Variants in TMEM255B observed in about 807,000 individuals in gnomAD.
The protein encoded by TMEM255B is family with sequence similarity 70, member B.
A neutral mutation model predicts 34.5 loss-of-function variants in TMEM255B; 35 were observed. The observed-to-expected ratio is 1.01, with a 90% CI of 0.77 to 1.34. TMEM255B has a LOEUF of 1.34. Ranked by LOEUF, TMEM255B falls within the 40% of genes most tolerant of loss-of-function variation. TMEM255B has a pLI of 0.00. For missense variants in TMEM255B, 432 were observed against 433.2 expected (o/e 1.00, Z 0.02); for synonymous variants, 206 against 201.2 (o/e 1.02, Z -0.20).
chr13:113,771,448 AAGGTG>A (rs2138528225), intron 3 of TMEM255B, among the ~76,000 whole-genome samples: 1 of 152,292 alleles, frequency 6.6e-6, no homozygotes, highest in South Asian at 2.1e-4. Context: ...TTGGGAGGCC[AAGGTG>A]GGCGGATCAC....
At chr13:113,811,252 T>G (rs930246764) in intron 8 of TMEM255B, among the ~76,000 whole-genome samples, 154 of 28,838 alleles carry the variant, frequency 5.3e-3, no homozygotes, top group African/African-American at 6.1e-3. Flanking sequence ...GTCTGTGGGG[T>G]GGGGGCCCGT....
chr13:113,775,841 TG>T (rs1450808348), intron 3 of TMEM255B, among the ~76,000 whole-genome samples: 1 of 152,128 alleles, frequency 6.6e-6, no homozygotes, highest in Non-Finnish European at 1.5e-5. Context: ...TGTCAGGCAC[TG>T]GGGGGTGTTT....
intron 3 of TMEM255B, among the ~76,000 whole-genome samples, chr13:113,791,828 G>T (rs1295804982): frequency 1.3e-5 from 2 of 152,248 alleles, no homozygotes; most frequent in African/African-American, 4.8e-5. Flanking sequence ...AGGAGCGTGT[G>T]CAGTGGTGAC....
At chr13:113,785,476 C>A (rs1181672435) in intron 3 of TMEM255B, among the ~76,000 whole-genome samples, 1 of 152,244 alleles carries the variant, frequency 6.6e-6, no homozygotes, top group Non-Finnish European at 1.5e-5. Context: ...CTCGTCCTAC[C>A]TCTCTTGCTG....
intron 7 of TMEM255B, among the ~76,000 whole-genome samples, chr13:113,804,151 G>T (rs567462594): frequency 6.6e-6 from 1 of 152,326 alleles, no homozygotes; most frequent in South Asian, 2.1e-4. Flanking sequence ...CCTGAAGCTT[G>T]TGTGAGCCAT....
intron 3 of TMEM255B, among the ~76,000 whole-genome samples, chr13:113,794,666 TTAAC>T (rs889812739): frequency 1.1e-4 from 16 of 152,196 alleles, no homozygotes; most frequent in Admixed American, 2.6e-4. Context: ...TGCCAACTGT[TTAAC>T]TATCCATCAG....
intron 5 of TMEM255B, chr13:113,799,830 C>T (rs775379735): frequency 2.4e-5 from 15 of 636,122 alleles, no homozygotes; most frequent in Admixed American, 6.5e-5. Flanking sequence ...GAGTGAGATG[C>T]GGGGAGTAAT....
rs1264474133 is a variant in TMEM255B, at chr13:113,801,761, C to T, written c.618C>T (p.Gly206=). 14 of 1,612,560 alleles carry T rather than the reference C, an allele frequency of 8.7e-6. No homozygotes were observed. The East Asian group carries it at 1.1e-4, about 13-fold the overall frequency. Reference sequence around the variant, plus strand: ...CCTCTGCAGTTCTGAACGTCCTGGGCCTGTTCCTGGGCATCATCACCGCCG... The same window carrying T: ...CCTCTGCAGTTCTGAACGTCCTGGGTCTGTTCCTGGGCATCATCACCGCCG... ...LWASAVLNVL[G]LFLGIITAAV... is the part of the protein sequence containing the mutation. Residue 206 remains glycine (G), a synonymous_variant, in exon 7 of 9, where the codon GGC becomes GGT. Transcript: ENST00000375353.
At chr13:113,759,345 C>T (rs2050253621) in intron 1 of TMEM255B, 30 bp downstream of exon 1, 4 of 1,229,136 alleles carry the variant, frequency 3.3e-6, no homozygotes, top group Non-Finnish European at 4.1e-6. Flanking sequence ...CTCGTCTCGG[C>T]TCCTGCGGGG....
intron 5 of TMEM255B, chr13:113,800,063 C>T (rs1033800923): frequency 6.5e-5 from 69 of 1,065,956 alleles, no homozygotes; most frequent in South Asian, 3.0e-4. Flanking sequence ...CGGGAGGCAT[C>T]GTGTGTGTGT....
rs114315278 is a variant in TMEM255B, at chr13:113,793,567, C to T, written c.253-1581C>T. ...GACCCACCCAAGGACGCACTGACTTCTGTGGACTCGCTCTCCGGCCCGCTG... is the reference window on the plus strand; with the variant it reads ...GACCCACCCAAGGACGCACTGACTTTTGTGGACTCGCTCTCCGGCCCGCTG... On this transcript the variant is annotated intron_variant, in intron 3 of 8. Transcript: ENST00000375353. Among the ~76,000 whole-genome samples the T allele has an allele frequency of 6.6e-3, 903 of 136,686 alleles. 10 individuals carry two copies. Among genetic ancestry groups the T allele is most frequent in the African/African-American group, 0.024 (867 of 36,762 alleles). The allele number at this position is 136,686 out of a possible 152,430, so 89.7% of individuals were successfully genotyped here.
chr13:113,800,982 ACACC>A, intron 6 of TMEM255B, 70 bp downstream of exon 6: 1 of 1,118,936 alleles, frequency 8.9e-7, no homozygotes. Flanking sequence ...CCCCGTATCT[ACACC>A]TGCGGGAGGT....
chr13:113,791,658 T>C (rs778410253), intron 3 of TMEM255B, among the ~76,000 whole-genome samples: 3 of 152,194 alleles, frequency 2.0e-5, no homozygotes, highest in Non-Finnish European at 4.4e-5. Context: ...ACCTGCAAAA[T>C]GCAAATTGTG....
chr13:113,805,723 A>G (rs2051158704), intron 8 of TMEM255B, among the ~76,000 whole-genome samples: 1 of 152,186 alleles, frequency 6.6e-6, no homozygotes, highest in Non-Finnish European at 1.5e-5. Flanking sequence ...CCTGCGGCAT[A>G]TCAGAGCCGC....
At chr13:113,775,983 C>G (rs974347965) in intron 3 of TMEM255B, among the ~76,000 whole-genome samples, 1 of 152,192 alleles carries the variant, frequency 6.6e-6, no homozygotes, top group South Asian at 2.1e-4. Flanking sequence ...CAGCCATGTG[C>G]GGCCTGTGAG....
At chr13:113,808,079 A>G (rs145869349) in intron 8 of TMEM255B, among the ~76,000 whole-genome samples, 2 of 152,198 alleles carry the variant, frequency 1.3e-5, no homozygotes, top group Admixed American at 6.5e-5. Flanking sequence ...GGCAAATCAG[A>G]TGAGGCTCAT....
chr13:113,780,074 A>G (rs1319743548), intron 3 of TMEM255B, among the ~76,000 whole-genome samples: 2 of 152,254 alleles, frequency 1.3e-5, no homozygotes, highest in African/African-American at 4.8e-5. Flanking sequence ...GAGCCCAGCC[A>G]TGGAATTGTA....
intron 1 of TMEM255B, among the ~76,000 whole-genome samples, chr13:113,764,477 G>A (rs2050357272): frequency 6.6e-6 from 1 of 152,170 alleles, no homozygotes; most frequent in African/African-American, 2.4e-5. Context: ...CAGAAGGAGG[G>A]CCTCACTCCA....
In TMEM255B at chr13:113,806,268, T is replaced by C. The variant is rs7490965; in HGVS notation, c.813+1240T>C. Among the ~76,000 whole-genome samples the C allele has an allele frequency of 0.15, 22,349 of 151,760 alleles. 2,584 individuals are homozygous for C. Among genetic ancestry groups the C allele is most frequent in the African/African-American group, 0.32 (13,216 of 41,366 alleles). On this transcript the variant is annotated intron_variant, in intron 8 of 8. Coordinates refer to ENST00000375353, the MANE Select transcript of TMEM255B (RefSeq NM_182614.4). The surrounding 1 kb of genome is among the most constrained non-coding windows in gnomAD (Gnocchi z 4.2). ...AGGAGGGAGCAGGAACCAGCACTCA[T>C]GGAGATGGTGCGTCTGGGGGTCCCT... is the stretch of plus-strand genomic sequence containing the variant.
Sources: allele counts gnomAD v4.1 joint callset (sites outside exome capture counted in the v4.1 genomes callset), GRCh38; gene constraint gnomAD v4.1.1; non-coding constraint Gnocchi (gnomAD v3.1); transcripts MANE v1.5; gene names NCBI Gene and HGNC (gene_info 2026-07-23, HGNC 2026-07-21).